Variants in EEF2K observed in about 807,000 individuals in gnomAD.
EEF2K encodes the protein alternative protein EEF2K.
Under a neutral mutation model 93.8 loss-of-function variants are expected in EEF2K, and 70 were observed. The observed-to-expected ratio is 0.75, with a 90% CI of 0.62 to 0.91. The LOEUF is 0.91. Among genes scored for constraint, EEF2K ranks in the 40% least tolerant of loss-of-function variants. The pLI is 0.00. For missense variants in EEF2K, 935 were observed against 972.9 expected (o/e 0.96, Z 0.52); for synonymous variants, 376 against 380.8 (o/e 0.99, Z 0.15).
rs776843094 is a variant in EEF2K at position 22,225,784 on chromosome 16, C to T, written c.55C>T (p.Pro19Ser). ...RLEGVDGGQS[P>S]RAGHDGDSDG... ...GGAAGGCGTTGATGGCGGCCAGTCCCCCCGAGCTGGCCATGATGGTGATTC... is the reference window on the plus strand; with the variant it reads ...GGAAGGCGTTGATGGCGGCCAGTCCTCCCGAGCTGGCCATGATGGTGATTC... The change falls in exon 2 of 18, where the codon CCC (proline) becomes TCC (serine). Residue 19 changes from proline to serine, a missense_variant. Pro to Ser is a moderately conservative substitution (Grantham distance 74). Transcript: ENST00000263026. 3.7e-6 allele frequency: 6 copies of T among 1,614,098 alleles called. No individual in the cohort carries two copies. Among genetic ancestry groups the T allele is most frequent in the Non-Finnish European group, 5.1e-6 (6 of 1,180,054 alleles).
chr16:22,215,463 T>C (rs2046949450), intron 1 of EEF2K, among the ~76,000 whole-genome samples: 1 of 152,192 alleles, frequency 6.6e-6, no homozygotes. Context: ...ACGGATGGGC[T>C]GGACTCTGTA....
intron 17 of EEF2K, among the ~76,000 whole-genome samples, chr16:22,282,166 T>G (rs2047699635): frequency 6.6e-6 from 1 of 152,102 alleles, no homozygotes; most frequent in Non-Finnish European, 1.5e-5. Flanking sequence ...CCACCGCACT[T>G]CAGCCTGGGC....
chr16:22,283,588 C>T (rs532218225), intron 17 of EEF2K, among the ~76,000 whole-genome samples: 3 of 152,216 alleles, frequency 2.0e-5, no homozygotes, highest in East Asian at 3.9e-4. Context: ...ACTCAATCAT[C>T]TACATACCCC....
At chr16:22,217,231 A>C (rs193059139) in intron 1 of EEF2K, among the ~76,000 whole-genome samples, 4,968 of 133,122 alleles carry the variant, frequency 0.037, 136 homozygotes, top group South Asian at 0.099. Context: ...AGATAGATAG[A>C]GAGAGAGAGA....
chr16:22,258,765 C>T lies in EEF2K; in HGVS notation c.1231+70C>T. The T allele has an allele frequency of 3.2e-6, 5 of 1,580,974 alleles. No individual in the cohort carries two copies. In the South Asian group the frequency reaches 5.7e-5, roughly 18 times the overall value. ...GGTGGAGCAGAGCTAAACCAGCTTT[C>T]ATTTATGTTAGAAAAATCAGACATG... On this transcript the variant is annotated intron_variant, in intron 10 of 17. Coordinates refer to ENST00000263026, the MANE Select transcript of EEF2K (RefSeq NM_013302.5).
In EEF2K at chr16:22,263,112, G is replaced by A. The variant is rs201706454; in HGVS notation, c.1302G>A (p.Glu434=). The A allele has an allele frequency of 6.2e-7, 1 of 1,612,016 alleles. No homozygotes were observed. The highest frequency in any genetic ancestry group is 1.7e-5 in the Admixed American group (1 of 59,814). ...RDHDHLDNHR[E]SENSGDSGYP... is the part of the protein sequence containing the mutation. Reference sequence around the variant, plus strand: ...CTAAGGCCGTCTTCTCTCCACAGGAGTCTGAGAATAGTGGGGACAGCGGAT... The same window carrying A: ...CTAAGGCCGTCTTCTCTCCACAGGAATCTGAGAATAGTGGGGACAGCGGAT... The change falls in exon 12 of 18, where the codon GAG becomes GAA. Residue 434 remains glutamate, a splice_region_variant and synonymous_variant. Coordinates refer to ENST00000263026, the MANE Select transcript of EEF2K (RefSeq NM_013302.5).
intron 17 of EEF2K, among the ~76,000 whole-genome samples, chr16:22,281,976 A>T (rs573386240): frequency 2.0e-5 from 3 of 152,308 alleles, no homozygotes; most frequent in African/African-American, 7.2e-5. Context: ...AAACTAAAAA[A>T]ATTGCTGGGC....
intron 16 of EEF2K, among the ~76,000 whole-genome samples, chr16:22,275,520 T>A (rs2047625857): frequency 6.6e-6 from 1 of 151,548 alleles, no homozygotes; most frequent in Non-Finnish European, 1.5e-5. Context: ...TTTTTATATT[T>A]TAAATACAGA....
chr16:22,259,194 T>C (rs1160754203), intron 10 of EEF2K, among the ~76,000 whole-genome samples: 1 of 152,148 alleles, frequency 6.6e-6, no homozygotes, highest in Non-Finnish European at 1.5e-5. Flanking sequence ...TTTCTGACAC[T>C]GAAAGAGTGG....
intron 4 of EEF2K, among the ~76,000 whole-genome samples, chr16:22,249,639 T>G (rs184572543): frequency 6.6e-6 from 1 of 152,238 alleles, no homozygotes; most frequent in East Asian, 1.9e-4. Flanking sequence ...AGGGTCTTGC[T>G]CTGCTGCCCA....
intron 1 of EEF2K, 36 bp from the exon 2 acceptor site, chr16:22,225,618 C>G: frequency 6.7e-7 from 1 of 1,503,566 alleles, no homozygotes; most frequent in South Asian, 1.3e-5. Context: ...GCCCTGGGCC[C>G]CAGCACCCAC....
chr16:22,269,378 C>A (rs534489635), intron 15 of EEF2K, among the ~76,000 whole-genome samples: 2 of 152,152 alleles, frequency 1.3e-5, no homozygotes, highest in South Asian at 4.2e-4. Flanking sequence ...TTAGGGCCCA[C>A]CTAACATCCA....
intron 1 of EEF2K, among the ~76,000 whole-genome samples, chr16:22,212,531 G>A (rs117696039): frequency 0.09 from 13,618 of 151,958 alleles, 915 homozygotes; most frequent in East Asian, 0.28. Context: ...TCACCATGTT[G>A]GTCAGGTCTC....
chr16:22,243,626 A>T (rs975020999), intron 2 of EEF2K, among the ~76,000 whole-genome samples: 2 of 151,910 alleles, frequency 1.3e-5, no homozygotes, highest in African/African-American at 4.8e-5. Flanking sequence ...AGCACTCGCT[A>T]AAATGTTTCA....
At chr16:22,282,737 A>C (rs749077360) in intron 17 of EEF2K, among the ~76,000 whole-genome samples, 93 of 152,204 alleles carry the variant, frequency 6.1e-4, no homozygotes, top group Non-Finnish European at 1.1e-3. Context: ...TAGAACTGTG[A>C]GCCAAATAAA....
rs529625937 is a variant in EEF2K, at chr16:22,268,491, G to A, written c.1764+1615G>A. ...GGACTATTTATTTATTTTAGAGACAGGTTCTCACTCTGTCACCCAAGTTGG... is the reference window on the plus strand; with the variant it reads ...GGACTATTTATTTATTTTAGAGACAAGTTCTCACTCTGTCACCCAAGTTGG... On this transcript the variant is annotated intron_variant, in intron 15 of 17. Coordinates refer to ENST00000263026, the MANE Select transcript of EEF2K (RefSeq NM_013302.5). Among the ~76,000 whole-genome samples the A allele has an allele frequency of 4.6e-5, 7 of 151,830 alleles. No individual in the cohort carries two copies. The South Asian group carries it at 1.3e-3, about 27-fold the overall frequency.
intron 12 of EEF2K, among the ~76,000 whole-genome samples, chr16:22,263,804 G>A (rs1224577705): frequency 6.6e-6 from 1 of 152,130 alleles, no homozygotes; most frequent in East Asian, 1.9e-4. Flanking sequence ...CCCACTCATA[G>A]GCAGGATCCT....
At chr16:22,243,313 A>C (rs1236834273) in intron 2 of EEF2K, among the ~76,000 whole-genome samples, 1 of 144,972 alleles carries the variant, frequency 6.9e-6, no homozygotes, top group Non-Finnish European at 1.5e-5. Context: ...GTGCAATGGC[A>C]CAATCTCGGC....
At chr16:22,246,055 AC>A (rs1455023480) in intron 3 of EEF2K, among the ~76,000 whole-genome samples, 1 of 152,012 alleles carries the variant, frequency 6.6e-6, no homozygotes, top group East Asian at 1.9e-4. Flanking sequence ...ACCGTCCCCG[AC>A]TTTCACTGCT....
Sources: allele counts gnomAD v4.1 joint callset (sites outside exome capture counted in the v4.1 genomes callset), GRCh38; gene constraint gnomAD v4.1.1; transcripts MANE v1.5; gene names NCBI Gene and HGNC (gene_info 2026-07-23, HGNC 2026-07-21).